Variants in CREB3L1 observed in about 807,000 individuals in gnomAD.
The protein encoded by CREB3L1 is cyclic AMP-responsive element-binding protein 3-like protein 1.
A neutral mutation model predicts 54.5 loss-of-function variants in CREB3L1; 33 were observed. The ratio of observed to expected loss-of-function variants is 0.61; its 90% CI spans 0.46 to 0.81. CREB3L1 has a LOEUF of 0.81. CREB3L1 is among the 30% of genes least tolerant of loss of function. The pLI, the probability that CREB3L1 is intolerant of heterozygous loss-of-function variation, is 0.00. For missense variants in CREB3L1, 656 were observed against 673.3 expected (o/e 0.97, Z 0.29); for synonymous variants, 284 against 286.4 (o/e 0.99, Z 0.08).
chr11:46,284,844 CA>C (rs1939033944), intron 1 of CREB3L1, among the ~76,000 whole-genome samples: 1 of 152,166 alleles, frequency 6.6e-6, no homozygotes, highest in East Asian at 1.9e-4. Context: ...CCCTCTAGAG[CA>C]AGGAAAATTC....
chr11:46,281,116 G>A (rs918243507), intron 1 of CREB3L1, among the ~76,000 whole-genome samples: 1 of 152,168 alleles, frequency 6.6e-6, no homozygotes, highest in Non-Finnish European at 1.5e-5. Context: ...ATACCTTCAT[G>A]TTGCTGCAAT....
At chr11:46,300,252 C>G in intron 2 of CREB3L1, 89 bp downstream of exon 2, 1 of 1,002,008 alleles carries the variant, frequency 1.0e-6, no homozygotes, top group South Asian at 1.4e-5. Flanking sequence ...GTGCCTGCAG[C>G]CTGAGACTCC....
chr11:46,299,401 C>T (rs776877794), intron 1 of CREB3L1, among the ~76,000 whole-genome samples: 1 of 152,170 alleles, frequency 6.6e-6, no homozygotes, highest in Non-Finnish European at 1.5e-5. Flanking sequence ...CTGGAGGCCT[C>T]AAGAATCCCA....
At chr11:46,310,218 C>T (rs569741730) in intron 4 of CREB3L1, among the ~76,000 whole-genome samples, 151 bp downstream of exon 4, 1 of 152,234 alleles carries the variant, frequency 6.6e-6, no homozygotes, top group African/African-American at 2.4e-5. Context: ...TCCCTCCATC[C>T]ATGCCCACTC....
chr11:46,316,335 A>G lies in CREB3L1; in HGVS notation c.1081A>G (p.Ile361Val). 6.3e-7 allele frequency: 1 copy of G among 1,576,202 alleles called. No homozygotes were observed. The highest frequency in any genetic ancestry group is 8.6e-7 in the Non-Finnish European group (1 of 1,161,226). Reference sequence around the variant, plus strand: ...ACTCCAGACTCTGGTCACCAACAAGATCTCCAGACCTTACAAGATGGCCGC... The same window carrying G: ...ACTCCAGACTCTGGTCACCAACAAGGTCTCCAGACCTTACAAGATGGCCGC... ...QKLQTLVTNK[I>V]SRPYKMAATQ... The change falls in exon 9 of 12, where the codon ATC becomes GTC. Residue 361 changes from isoleucine to valine, a missense_variant. Ile to Val is a conservative substitution (Grantham distance 29). Coordinates refer to ENST00000621158, the MANE Select transcript of CREB3L1 (RefSeq NM_052854.4).
chr11:46,304,040 T>C, intron 2 of CREB3L1, among the ~76,000 whole-genome samples: 1 of 152,046 alleles, frequency 6.6e-6, no homozygotes, highest in Admixed American at 6.6e-5. Context: ...ACACTATGGG[T>C]GCTTGTAACA....
At position 46,277,993 on chromosome 11, in the gene CREB3L1, TC is replaced by T; in HGVS notation, c.-118del. 1 of 367,040 alleles carries T rather than the reference TC, an allele frequency of 2.7e-6. No individual in the cohort carries two copies. Among genetic ancestry groups the T allele is most frequent in the African/African-American group, 2.2e-5 (1 of 46,096 alleles). The allele number at this position is 367,040 out of a possible 1,614,324, so 22.7% of individuals were successfully genotyped here. A position where few individuals can be genotyped will look rare whatever the true frequency, so the allele number is the denominator to read the frequency against. ...CTCCGTCCGCCCCTCCCCCGGGGCT[TC>T]GCCCCGGACCTGCCCCCCGCCCGTT... On this transcript the variant is annotated 5_prime_UTR_variant, in exon 1 of 12. Coordinates refer to ENST00000621158, the MANE Select transcript of CREB3L1 (RefSeq NM_052854.4).
At chr11:46,299,685 G>A (rs1939265209) in intron 1 of CREB3L1, among the ~76,000 whole-genome samples, 1 of 152,188 alleles carries the variant, frequency 6.6e-6, no homozygotes, top group East Asian at 1.9e-4. Flanking sequence ...AATGGTGAGC[G>A]TGGAGCTGGT....
chr11:46,306,855 T>G (rs1221646406), intron 2 of CREB3L1, among the ~76,000 whole-genome samples: 1 of 150,678 alleles, frequency 6.6e-6, no homozygotes, highest in Non-Finnish European at 1.5e-5. Flanking sequence ...CACTGCAACC[T>G]CCTCCTCCCA....
intron 8 of CREB3L1, 28 bp downstream of exon 8, chr11:46,312,947 G>C (rs1939513962): frequency 3.9e-6 from 6 of 1,537,706 alleles, no homozygotes; most frequent in Non-Finnish European, 1.8e-6. Context: ...CATCCAACCT[G>C]GCCCCCTGCC....
chr11:46,286,977 G>A (rs887039324), intron 1 of CREB3L1, among the ~76,000 whole-genome samples: 2 of 152,146 alleles, frequency 1.3e-5, no homozygotes, highest in Non-Finnish European at 2.9e-5. Flanking sequence ...AGACTTCCCA[G>A]GTGCGTACTC....
intron 8 of CREB3L1, 124 bp from the exon 9 acceptor site, chr11:46,316,162 A>T (rs977137415): frequency 1.6e-6 from 1 of 642,788 alleles, no homozygotes; most frequent in African/African-American, 1.8e-5. Flanking sequence ...GACCTTTCCT[A>T]TCTTGACTGA....
rs761704234 is a variant in CREB3L1 at position 46,311,117 on chromosome 11, C to A, written c.681C>A (p.Pro227=). ...CCCAGAGTCCCCGCTCTCTGCCCCC[C>A]TCCAGCCCTGTCAGGCCCATGGCGC... is the stretch of plus-strand genomic sequence containing the variant. ...DGSQSPRSLP[P]SSPVRPMARS... Residue 227 remains proline (P), a synonymous_variant, in exon 5 of 12, where the codon CCC becomes CCA. Transcript: ENST00000621158. 2 of 1,607,706 alleles carry A rather than the reference C, an allele frequency of 1.2e-6. No homozygotes were observed. Among genetic ancestry groups the A allele is most frequent in the African/African-American group, 1.3e-5 (1 of 74,882 alleles).
At chr11:46,296,072 C>T (rs1013588946) in intron 1 of CREB3L1, among the ~76,000 whole-genome samples, 7 of 152,248 alleles carry the variant, frequency 4.6e-5, no homozygotes, top group African/African-American at 1.2e-4. Flanking sequence ...CCCTGCAGAA[C>T]CCTGTCGCCC....
At chr11:46,308,119 G>C (rs957441587) in intron 3 of CREB3L1, 119 bp downstream of exon 3, 6 of 992,498 alleles carry the variant, frequency 6.0e-6, no homozygotes, top group Non-Finnish European at 7.2e-6. Flanking sequence ...ATGAGCCTCA[G>C]GGCTGAGGGT....
Position 46,312,608 on chromosome 11 carries a change from C to T in CREB3L1, c.904-4C>T, listed in dbSNP as rs1210892252. The T allele has an allele frequency of 5.8e-5, 94 of 1,611,460 alleles. No homozygotes were observed. The highest frequency in any genetic ancestry group is 7.9e-5 in the Non-Finnish European group (93 of 1,178,770). ...AACCCTTGTTTTCGGGCCTCCCCCTCTAGATCTCAGCCCAGGAGAGCCGTC... is the reference window on the plus strand; with the variant it reads ...AACCCTTGTTTTCGGGCCTCCCCCTTTAGATCTCAGCCCAGGAGAGCCGTC... On this transcript the variant is annotated splice_region_variant and splice_polypyrimidine_tract_variant and intron_variant, in intron 6 of 11. Coordinates refer to ENST00000621158, the MANE Select transcript of CREB3L1 (RefSeq NM_052854.4).
intron 2 of CREB3L1, among the ~76,000 whole-genome samples, chr11:46,304,853 A>G (rs1939356270): frequency 6.6e-6 from 1 of 152,030 alleles, no homozygotes; most frequent in Non-Finnish European, 1.5e-5. Flanking sequence ...CACCACACCC[A>G]GCTCCCACGT....
At position 46,295,664 on chromosome 11, in the gene CREB3L1, C is replaced by G. The variant is rs577600800; in HGVS notation, c.103-4271C>G. 6.6e-6 allele frequency among the ~76,000 whole-genome samples: 1 copy of G among 152,236 alleles called. No homozygotes were observed. Among genetic ancestry groups the G allele is most frequent in the Non-Finnish European group, 1.5e-5 (1 of 68,042 alleles). On this transcript the variant is annotated intron_variant, in intron 1 of 11. Transcript: ENST00000621158. This position sits in a 1 kb window ranked among gnomAD's most constrained non-coding sequence, Gnocchi z 4.6. The stretch of plus-strand genomic sequence containing the variant: ...CCACCGGCTGCTGCTCGCAGCCTCC[C>G]GCCATTGGCCAGGAGCTCTGCGGCT...
chr11:46,307,821 G>C lies in CREB3L1; in HGVS notation c.337G>C (p.Glu113Gln), dbSNP rs1939421614. 1 of 1,568,568 alleles carries C rather than the reference G, an allele frequency of 6.4e-7. No homozygotes were observed. Among genetic ancestry groups the C allele is most frequent in the South Asian group, 1.2e-5 (1 of 84,988 alleles). Residue 113 changes from glutamate (E) to glutamine (Q), a missense_variant, in exon 3 of 12, where the codon GAG becomes CAG. This residue lies in a region of CREB3L1 where 339 missense variants were observed against 331.5 expected (regional missense o/e 1.02). Coordinates refer to ENST00000621158, the MANE Select transcript of CREB3L1 (RefSeq NM_052854.4). ...AGCCTTTCCCCTTCCCCTAGATGCA[G>C]AGCATGGAGCATGGGCGCTGGGACA... Reference protein sequence around the residue: ...IKMEDTTQDAEHGAWALGHKL... With the variant: ...IKMEDTTQDAQHGAWALGHKL...
Sources: gnomAD v4.1 joint callset for allele counts (sites outside exome capture counted in the v4.1 genomes callset) on GRCh38, gnomAD v4.1.1 for gene constraint, gnomAD v4.1.1 regional missense constraint, Gnocchi (gnomAD v3.1) non-coding constraint, MANE v1.5 for transcripts, NCBI Gene and HGNC (gene_info 2026-07-23, HGNC 2026-07-21) for gene names.